LRP1B: variants seen among roughly 807,000 people sequenced by gnomAD.
The protein encoded by LRP1B is LDL receptor related protein 1B, also known as low-density lipoprotein receptor-related protein 1B.
In LRP1B, 217 loss-of-function variants were observed where a neutral mutation model predicts 556.6. The ratio of observed to expected loss-of-function variants is 0.39; its 90% CI spans 0.35 to 0.44. LRP1B has a LOEUF of 0.44. LRP1B is among the 20% of genes least tolerant of loss of function. LRP1B has a pLI of 1.00. For missense variants in LRP1B, 5,053 were observed against 5,620.8 expected (o/e 0.90, Z 3.23); for synonymous variants, 2,047 against 1,865.8 (o/e 1.10, Z -2.50).
At chr2:140,497,867 G>A (rs772199917) in intron 55 of LRP1B, among the ~76,000 whole-genome samples, 1 of 151,776 alleles carries the variant, frequency 6.6e-6, no homozygotes, top group African/African-American at 2.4e-5. Context: ...ATTGATTAAT[G>A]TTACTATAAT....
At chr2:141,870,018 C>A (rs554022349) in intron 1 of LRP1B, among the ~76,000 whole-genome samples, 4 of 151,994 alleles carry the variant, frequency 2.6e-5, no homozygotes, top group African/African-American at 9.6e-5. Context: ...TGTTAATTAT[C>A]AAATTCAAAT....
Position 140,291,316 on chromosome 2 carries a change from A to ATTTTTTTTTTT in LRP1B, c.12967+6491_12967+6492insAAAAAAAAAAA, listed in dbSNP as rs946522615. The stretch of plus-strand genomic sequence containing the variant: ...TTTTATTTTATATATATATATATAT[A>ATTTTTTTTTTT]TATTTTTATTATACTTTAAGTTCTA... On this transcript the variant is annotated intron_variant, in intron 84 of 90. Coordinates refer to ENST00000389484, the MANE Select transcript of LRP1B (RefSeq NM_018557.3). Among the ~76,000 whole-genome samples the ATTTTTTTTTTT allele has an allele frequency of 2.9e-5, 2 of 68,754 alleles. 1 individual carries two copies. Among genetic ancestry groups the ATTTTTTTTTTT allele is most frequent in the African/African-American group, 9.7e-5 (2 of 20,626 alleles). The allele number at this position is 68,754 out of a possible 152,430, so 45.1% of individuals were successfully genotyped here.
intron 2 of LRP1B, among the ~76,000 whole-genome samples, chr2:141,613,900 T>C (rs529341863): frequency 6.6e-6 from 1 of 151,484 alleles, no homozygotes; most frequent in African/African-American, 2.4e-5. Context: ...TGGTGAAACC[T>C]GATCTCTACT....
chr2:141,363,579 A>G (rs112383577), intron 3 of LRP1B, among the ~76,000 whole-genome samples: 9,491 of 152,216 alleles, frequency 0.062, 407 homozygotes, highest in African/African-American at 0.11. Flanking sequence ...TTAGAGTAAC[A>G]GATAATTATT....
chr2:140,485,346 G>C lies in LRP1B; in HGVS notation c.9422C>G (p.Ala3141Gly), dbSNP rs777326430. ...ATTTTTAACAGTTTTTACAAACCCA[G>C]CTTGAGGATCTAAAGACAAGTCTCT... ...FPRDLSLDPQ[A>G]GYLYWIDCCE... Residue 3141 changes from alanine to glycine, a missense_variant, in exon 59 of 91, where the codon GCT (alanine) becomes GGT (glycine). Around this residue, in one of 5 missense-constraint regions of LRP1B, gnomAD observed 3,619 missense variants for 3,931.9 expected, o/e 0.92. Transcript: ENST00000389484. 1 of 1,607,100 alleles carries C rather than the reference G, an allele frequency of 6.2e-7. No individual in the cohort carries two copies. Among genetic ancestry groups the C allele is most frequent in the Admixed American group, 1.7e-5 (1 of 58,688 alleles).
chr2:141,963,230 C>G (rs949455629), intron 1 of LRP1B, among the ~76,000 whole-genome samples: 2 of 151,838 alleles, frequency 1.3e-5, no homozygotes, highest in African/African-American at 4.8e-5. Flanking sequence ...CTATGGATAA[C>G]AAGAGTATAG....
chr2:141,923,422 T>TATATATATATAG (rs1410669535), intron 1 of LRP1B, among the ~76,000 whole-genome samples: 1 of 135,658 alleles, frequency 7.4e-6, no homozygotes, highest in African/African-American at 2.7e-5. Context: ...TATATATATA[T>TATATATATATAG]AGTGACAAAG....
At chr2:140,740,744 G>T (rs890498176) in intron 35 of LRP1B, among the ~76,000 whole-genome samples, 2 of 152,138 alleles carry the variant, frequency 1.3e-5, no homozygotes, top group Non-Finnish European at 2.9e-5. Context: ...ACATTCTGAG[G>T]CCTCGATCTT....
At chr2:141,947,397 A>C (rs1197522273) in intron 1 of LRP1B, among the ~76,000 whole-genome samples, 1 of 152,160 alleles carries the variant, frequency 6.6e-6, no homozygotes, top group East Asian at 1.9e-4. Context: ...AGATCACGCC[A>C]CTGCACTCCA....
intron 7 of LRP1B, among the ~76,000 whole-genome samples, chr2:141,081,726 G>A (rs1172168428): frequency 6.6e-6 from 1 of 151,984 alleles, no homozygotes; most frequent in Non-Finnish European, 1.5e-5. Flanking sequence ...AGAAGAAAAA[G>A]TGAGATACTG....
intron 3 of LRP1B, among the ~76,000 whole-genome samples, chr2:141,475,844 C>T (rs1459168790): frequency 6.6e-6 from 1 of 152,138 alleles, no homozygotes; most frequent in Non-Finnish European, 1.5e-5. Flanking sequence ...TTTCCAGCTT[C>T]TCATCCATTC....
intron 20 of LRP1B, among the ~76,000 whole-genome samples, chr2:140,942,552 C>T (rs1022969242): frequency 6.6e-6 from 1 of 152,110 alleles, no homozygotes; most frequent in Non-Finnish European, 1.5e-5. Flanking sequence ...AAAGTCATAT[C>T]ACCTTCAAAG....
chr2:141,392,020 A>C (rs1470470151), intron 3 of LRP1B, among the ~76,000 whole-genome samples: 1 of 152,154 alleles, frequency 6.6e-6, no homozygotes, highest in Non-Finnish European at 1.5e-5. Context: ...GGGATGGAGC[A>C]TATGTTTAGC....
intron 2 of LRP1B, among the ~76,000 whole-genome samples, chr2:141,718,115 G>A (rs1692677686): frequency 6.6e-6 from 1 of 152,150 alleles, no homozygotes; most frequent in Admixed American, 6.5e-5. Context: ...CTGGACAGGA[G>A]GCAGGGCTTG....
chr2:140,584,294 A>C (rs940890411), intron 43 of LRP1B, among the ~76,000 whole-genome samples: 6 of 152,018 alleles, frequency 3.9e-5, no homozygotes, highest in Non-Finnish European at 8.8e-5. Flanking sequence ...TTATCTGCTC[A>C]ATTATTTCAC....
intron 1 of LRP1B, among the ~76,000 whole-genome samples, chr2:142,103,161 CAA>C (rs962025569): frequency 6.6e-6 from 1 of 151,920 alleles, no homozygotes; most frequent in African/African-American, 2.4e-5. Flanking sequence ...ATTTTGCTAA[CAA>C]GTTATCCACA....
At chr2:142,070,682 C>CTGATAT (rs112237423) in intron 1 of LRP1B, among the ~76,000 whole-genome samples, 16 of 151,670 alleles carry the variant, frequency 1.1e-4, no homozygotes, top group South Asian at 6.2e-4. Context: ...TCAACAGATA[C>CTGATAT]TGATATTGAT....
At chr2:141,079,005 A>C (rs1292209300) in intron 7 of LRP1B, among the ~76,000 whole-genome samples, 2 of 152,198 alleles carry the variant, frequency 1.3e-5, no homozygotes, top group Admixed American at 6.5e-5. Flanking sequence ...GGTTTGGTTT[A>C]AAACTCCAGG....
At chr2:140,667,954 A>G (rs1046351051) in intron 41 of LRP1B, among the ~76,000 whole-genome samples, 1 of 152,204 alleles carries the variant, frequency 6.6e-6, no homozygotes, top group Non-Finnish European at 1.5e-5. Context: ...CTCAAAAGGT[A>G]TTTAATGACC....
Sources: allele counts gnomAD v4.1 joint callset (sites outside exome capture counted in the v4.1 genomes callset), GRCh38; gene constraint gnomAD v4.1.1; regional missense constraint gnomAD v4.1.1; transcripts MANE v1.5; gene names NCBI Gene and HGNC (gene_info 2026-07-23, HGNC 2026-07-21).